The following NOC3L variants were observed in gnomAD, a reference collection of about 807,000 sequenced individuals.
The protein encoded by NOC3L is nucleolar complex protein 3 homolog.
Under a neutral mutation model 102.5 loss-of-function variants are expected in NOC3L, and 85 were observed. The observed-to-expected ratio is 0.83, with a 90% confidence interval of 0.70 to 0.99. The LOEUF (loss-of-function observed/expected upper bound fraction) is 0.99. Among genes scored for constraint, NOC3L ranks in the 50% least tolerant of loss-of-function variants. The pLI, the probability that NOC3L is intolerant of heterozygous loss-of-function variation, is 0.00. For synonymous variants in NOC3L, 303 were observed against 309.4 expected, an observed-to-expected ratio of 0.98 and a Z score of 0.22; for missense variants, 878 against 914.9, an observed-to-expected ratio of 0.96 and a Z score of 0.52.
intron 16 of NOC3L, 136 bp downstream of exon 16, chr10:94,340,140 A>G: frequency 2.5e-6 from 2 of 807,088 alleles, no homozygotes; most frequent in Non-Finnish European, 3.9e-6. Flanking sequence ...ACATAAGATT[A>G]AATACAGATG....
chr10:94,352,840 T>A, intron 7 of NOC3L, 56 bp downstream of exon 7: 1 of 1,491,202 alleles, frequency 6.7e-7, no homozygotes, highest in Non-Finnish European at 9.2e-7. Flanking sequence ...AAAGTCTATC[T>A]CTCCAAAATG....
chr10:94,331,681 A>G (rs918956797), downstream of NOC3L: 2 of 152,154 alleles, frequency 1.3e-5, no homozygotes, highest in African/African-American at 4.8e-5. Context: ...ATTGTCTCTT[A>G]TACAGAGTCT....
chr10:94,332,255 G>C (rs920601468), downstream of NOC3L: 2 of 152,148 alleles, frequency 1.3e-5, no homozygotes, highest in African/African-American at 4.8e-5. Flanking sequence ...CCCTATTGCA[G>C]ATGACATAGG....
chr10:94,346,690 T>C, intron 10 of NOC3L, 134 bp from the exon 11 acceptor site: 1 of 430,408 alleles, frequency 2.3e-6, no homozygotes, highest in African/African-American at 2.1e-5. Flanking sequence ...TATAACATTT[T>C]ACACCAACTT....
At chr10:94,355,831 T>C (rs1163134616) in intron 5 of NOC3L, among the ~76,000 whole-genome samples, 8 of 152,172 alleles carry the variant, frequency 5.3e-5, no homozygotes, top group Non-Finnish European at 1.2e-4. Flanking sequence ...TTATACAAAC[T>C]AATACTTCAT....
intron 16 of NOC3L, 149 bp downstream of exon 16, chr10:94,340,127 C>G: frequency 1.3e-6 from 1 of 783,216 alleles, no homozygotes; most frequent in Non-Finnish European, 2.0e-6. Flanking sequence ...TTCTCCAAGT[C>G]TTACATAAGA....
chr10:94,337,454 T>C lies in NOC3L; in HGVS notation c.2189+323A>G, dbSNP rs1428349558. Among the ~76,000 whole-genome samples, 4 of 152,294 alleles carry C rather than the reference T, an allele frequency of 2.6e-5. No homozygotes were observed. In the East Asian group the frequency reaches 5.8e-4, roughly 22 times the overall value. On this transcript the variant is annotated intron_variant, in intron 19 of 20. Coordinates refer to ENST00000371361, the MANE Select transcript of NOC3L (RefSeq NM_022451.11). ...ACATGAAGCACCTATAGCCATAGAT[T>C]ATTCATTGTTGAACCTGAGTGATGG...
At chr10:94,346,348 T>C in intron 11 of NOC3L, 77 bp downstream of exon 11, 1 of 1,099,154 alleles carries the variant, frequency 9.1e-7, no homozygotes, top group Non-Finnish European at 1.2e-6. Flanking sequence ...CTATGATTTT[T>C]ACATGTGCCT....
intron 11 of NOC3L, among the ~76,000 whole-genome samples, chr10:94,345,673 T>C (rs895937496): frequency 6.6e-6 from 1 of 152,222 alleles, no homozygotes; most frequent in Non-Finnish European, 1.5e-5. Context: ...TTAAAATATG[T>C]ATCTTCTTTT....
intron 17 of NOC3L, among the ~76,000 whole-genome samples, chr10:94,339,040 C>G (rs1008688564): frequency 2.0e-5 from 3 of 152,110 alleles, no homozygotes; most frequent in Non-Finnish European, 4.4e-5. Context: ...CAGATAAATA[C>G]ATAAAGATAT....
chr10:94,349,177 A>G (rs1171889665), intron 10 of NOC3L, 73 bp downstream of exon 10: 1 of 1,490,522 alleles, frequency 6.7e-7, no homozygotes, highest in Non-Finnish European at 9.0e-7. Context: ...ATAAGGAATA[A>G]ATTCCTCATA....
chr10:94,353,936 T>C (rs922966060), intron 6 of NOC3L, among the ~76,000 whole-genome samples: 4 of 152,246 alleles, frequency 2.6e-5, no homozygotes, highest in African/African-American at 9.6e-5. Context: ...ACTACTATTG[T>C]CTGTGAGCAC....
intron 2 of NOC3L, among the ~76,000 whole-genome samples, chr10:94,359,288 T>C (rs2054525837): frequency 6.6e-6 from 1 of 151,974 alleles, no homozygotes; most frequent in African/African-American, 2.4e-5. Flanking sequence ...TAGTGAGGCG[T>C]GGTGGCACAT....
At chr10:94,318,428 T>G in the NOC3L span, among the ~76,000 whole-genome samples, 274 of 152,370 alleles carry the variant, frequency 1.8e-3, 2 homozygotes, top group African/African-American at 6.1e-3. Flanking sequence ...GTGTATGATT[T>G]ACAGCGTTGA....
chr10:94,352,359 C>T lies in NOC3L; in HGVS notation c.903G>A (p.Leu301=), dbSNP rs1338540775. ...TQKLREFEEG[L]VSQYKFYLEN... ...CCAAATAAAACTTGTATTGGCTAAC[C>T]AGGCCTTCTTCAAATTCTCTTAACT... Residue 301 remains leucine (L), a synonymous_variant, in exon 8 of 21, where the codon CTG becomes CTA. Transcript: ENST00000371361. 1 of 1,613,722 alleles carries T rather than the reference C, an allele frequency of 6.2e-7. No individual in the cohort carries two copies. The highest frequency in any genetic ancestry group is 1.3e-5 in the African/African-American group (1 of 74,908).
At chr10:94,320,647 C>A in the NOC3L span, among the ~76,000 whole-genome samples, 1 of 152,172 alleles carries the variant, frequency 6.6e-6, no homozygotes, top group Admixed American at 6.5e-5. Flanking sequence ...CCTGCCAAGA[C>A]CTCACTTGCT....
the NOC3L span, chr10:94,315,519 G>A: frequency 3.9e-3 from 1,766 of 455,456 alleles, 15 homozygotes; most frequent in African/African-American, 0.025. Flanking sequence ...CTGTAATCCC[G>A]GCACTTTGGG....
downstream of NOC3L, chr10:94,328,971 C>T (rs553462220): frequency 2.6e-5 from 4 of 152,042 alleles, no homozygotes; most frequent in East Asian, 1.9e-4. Context: ...ATTGAGTTGG[C>T]GTTTAAATTT....
Position 94,340,842 on chromosome 10 carries a change from A to G in NOC3L, c.1645-346T>C, listed in dbSNP as rs373059031. Among the ~76,000 whole-genome samples, 76 of 151,718 alleles carry G rather than the reference A, an allele frequency of 5.0e-4. No homozygotes were observed. In the East Asian group the frequency reaches 6.2e-3, roughly 12 times the overall value. On this transcript the variant is annotated intron_variant, in intron 14 of 20. Coordinates refer to ENST00000371361, the MANE Select transcript of NOC3L (RefSeq NM_022451.11). ...TAAAAATACAAAAAATTAACCGGGC[A>G]TGGTGGTGGGCGCCTGTAGTCCCAG... is the stretch of plus-strand genomic sequence containing the variant.
Sources: gnomAD v4.1 joint callset for allele counts (sites outside exome capture counted in the v4.1 genomes callset) on GRCh38, gnomAD v4.1.1 for gene constraint, MANE v1.5 for transcripts, NCBI Gene and HGNC (gene_info 2026-07-23, HGNC 2026-07-21) for gene names.